CTNNA3: variants seen among roughly 807,000 people sequenced by gnomAD.
CTNNA3 encodes the protein catenin alpha-3.
In CTNNA3, 76 loss-of-function variants were observed where a neutral mutation model predicts 95.7. That is an observed-to-expected ratio of 0.79 (90% CI 0.66 to 0.96). The LOEUF is 0.96. Ranked by LOEUF, CTNNA3 falls within the 40% of genes least tolerant of loss-of-function variation. The pLI is 0.00. For missense variants in CTNNA3, 1,191 were observed against 1,089.8 expected (o/e 1.09, Z -1.31); for synonymous variants, 431 against 374.4 (o/e 1.15, Z -1.74).
At position 67,559,558 on chromosome 10, in the gene CTNNA3, C is replaced by G. The variant is rs998263788; in HGVS notation, c.293-19889G>C. On this transcript the variant is annotated intron_variant, in intron 3 of 17. Transcript: ENST00000433211. ...ATGGGGAAAAAACAGAGCAGAAAAA[C>G]TGGAAACTCTAAAAAGCACAGTGCC... Among the ~76,000 whole-genome samples the G allele has an allele frequency of 2.0e-5, 3 of 152,072 alleles. No homozygotes were observed. The East Asian group carries it at 5.8e-4, about 29-fold the overall frequency.
chr10:66,704,154 TC>T (rs1848043835), intron 9 of CTNNA3, among the ~76,000 whole-genome samples: 1 of 152,124 alleles, frequency 6.6e-6, no homozygotes, highest in African/African-American at 2.4e-5. Flanking sequence ...ACGGTGTTTT[TC>T]TATTTTTCAT....
intron 9 of CTNNA3, among the ~76,000 whole-genome samples, chr10:66,626,051 T>C (rs1453992441): frequency 6.6e-6 from 1 of 152,206 alleles, no homozygotes; most frequent in Non-Finnish European, 1.5e-5. Context: ...ATCATTACTT[T>C]GTTCTAATCT....
At chr10:66,509,959 A>T (rs1005967843) in intron 11 of CTNNA3, among the ~76,000 whole-genome samples, 6 of 151,940 alleles carry the variant, frequency 3.9e-5, no homozygotes, top group Non-Finnish European at 8.8e-5. Context: ...TTTGATAAGG[A>T]TTGCACTGAA....
chr10:67,581,917 AT>A (rs1231339557), intron 3 of CTNNA3, among the ~76,000 whole-genome samples: 2 of 151,846 alleles, frequency 1.3e-5, no homozygotes, highest in South Asian at 2.1e-4. Flanking sequence ...CCCCTTTATC[AT>A]TTTTTATGCA....
At chr10:67,370,918 G>C (rs1183080838) in intron 5 of CTNNA3, among the ~76,000 whole-genome samples, 1 of 148,236 alleles carries the variant, frequency 6.7e-6, no homozygotes, top group East Asian at 2.0e-4. Context: ...CCAGGCTGGA[G>C]TGCAGTGGCG....
At chr10:66,693,712 T>C (rs1218770629) in intron 9 of CTNNA3, among the ~76,000 whole-genome samples, 1 of 152,066 alleles carries the variant, frequency 6.6e-6, no homozygotes, top group East Asian at 1.9e-4. Context: ...TAGTTGGAAG[T>C]AAAGCTTTCC....
intron 7 of CTNNA3, among the ~76,000 whole-genome samples, chr10:67,038,235 TA>T (rs1215172120): frequency 1.6e-4 from 25 of 152,128 alleles, no homozygotes; most frequent in African/African-American, 5.8e-4. Context: ...TGTTGTTGAT[TA>T]GCCATTCTAA....
intron 7 of CTNNA3, among the ~76,000 whole-genome samples, chr10:66,958,308 C>CAAAAAAAAAAA (rs35076056): frequency 4.6e-5 from 4 of 86,946 alleles, no homozygotes; most frequent in African/African-American, 1.6e-4. Context: ...TGCTTTCTTG[C>CAAAAAAAAAAA]AAAAAAAAAA....
intron 3 of CTNNA3, among the ~76,000 whole-genome samples, chr10:67,601,872 C>G (rs1052497655): frequency 1.3e-5 from 2 of 152,118 alleles, no homozygotes; most frequent in Non-Finnish European, 2.9e-5. Flanking sequence ...ACCGTCTCTC[C>G]TTTATACTAC....
At chr10:66,859,257 A>C (rs1345217392) in intron 7 of CTNNA3, among the ~76,000 whole-genome samples, 1 of 152,086 alleles carries the variant, frequency 6.6e-6, no homozygotes, top group African/African-American at 2.4e-5. Context: ...AATTTTCACA[A>C]CCTACTCATC....
intron 7 of CTNNA3, among the ~76,000 whole-genome samples, chr10:67,074,314 G>A (rs1856624882): frequency 6.9e-6 from 1 of 144,786 alleles, no homozygotes; most frequent in African/African-American, 2.6e-5. Flanking sequence ...ACAGGCATGA[G>A]CCACCGTGCC....
intron 9 of CTNNA3, among the ~76,000 whole-genome samples, chr10:66,660,266 C>A (rs965761377): frequency 1.3e-5 from 2 of 152,126 alleles, no homozygotes; most frequent in Non-Finnish European, 2.9e-5. Context: ...TACTTGTGTA[C>A]CTCAAGATGC....
chr10:66,689,020 C>G (rs1847412410), intron 9 of CTNNA3, among the ~76,000 whole-genome samples: 1 of 151,532 alleles, frequency 6.6e-6, no homozygotes, highest in African/African-American at 2.4e-5. Context: ...CCCCAAATAC[C>G]TAGAAGAATA....
chr10:66,254,972 G>T (rs1301118020), intron 13 of CTNNA3, among the ~76,000 whole-genome samples: 1 of 152,178 alleles, frequency 6.6e-6, no homozygotes, highest in Non-Finnish European at 1.5e-5. Context: ...AGACAAAAAA[G>T]CAAATTTACT....
chr10:66,812,040 T>G (rs984775813), intron 7 of CTNNA3, among the ~76,000 whole-genome samples: 5 of 152,152 alleles, frequency 3.3e-5, no homozygotes, highest in Admixed American at 1.3e-4. Flanking sequence ...ATTGAGATGA[T>G]CTAGTTTTAT....
At chr10:66,363,710 T>A (rs980716509) in intron 12 of CTNNA3, among the ~76,000 whole-genome samples, 3 of 152,234 alleles carry the variant, frequency 2.0e-5, no homozygotes, top group Non-Finnish European at 2.9e-5. Flanking sequence ...CAGTATTGGT[T>A]GTTTTCTGTG....
intron 9 of CTNNA3, among the ~76,000 whole-genome samples, chr10:66,733,050 C>T (rs1849013471): frequency 6.6e-6 from 1 of 152,068 alleles, no homozygotes. Context: ...CCTGCCTCAG[C>T]CTCCCAAAGT....
chr10:66,231,281 A>C (rs115654770), intron 13 of CTNNA3, among the ~76,000 whole-genome samples: 2,428 of 152,072 alleles, frequency 0.016, 68 homozygotes, highest in African/African-American at 0.056. Context: ...CTGGCCAGAC[A>C]CTTCATTTTC....
intron 4 of CTNNA3, among the ~76,000 whole-genome samples, chr10:67,534,629 T>C (rs1458435456): frequency 2.6e-5 from 4 of 152,170 alleles, no homozygotes; most frequent in Non-Finnish European, 1.5e-5. Flanking sequence ...GTTTACTACA[T>C]TCATGTATTC....
Sources: allele counts gnomAD v4.1 joint callset (sites outside exome capture counted in the v4.1 genomes callset), GRCh38; gene constraint gnomAD v4.1.1; transcripts MANE v1.5; gene names NCBI Gene and HGNC (gene_info 2026-07-23, HGNC 2026-07-21).